The following TMEM208 variants were observed in gnomAD, a reference collection of about 807,000 sequenced individuals.
The protein encoded by TMEM208 is SRP-independent targeting 2 homolog.
Under a neutral mutation model 26.4 loss-of-function variants are expected in TMEM208, and 19 were observed. That is an observed-to-expected ratio of 0.72 (90% CI 0.50 to 1.06). The LOEUF (loss-of-function observed/expected upper bound fraction) is 1.06. Among genes scored for constraint, TMEM208 ranks in the 50% least tolerant of loss-of-function variants. TMEM208 has a pLI of 0.00. For missense variants in TMEM208, 183 were observed against 219.8 expected (o/e 0.83, Z 1.06); for synonymous variants, 93 against 83.1 (o/e 1.12, Z -0.65).
chr16:67,227,334 G>C, intron 1 of TMEM208, 110 bp downstream of exon 1: 1 of 1,446,420 alleles, frequency 6.9e-7, no homozygotes, highest in Middle Eastern at 1.8e-4. Flanking sequence ...AGAGCGGGGC[G>C]CCATCCCTGG....
At position 67,227,877 on chromosome 16, in the gene TMEM208, T is replaced by G. The variant is rs1375457131; in HGVS notation, c.48T>G (p.Phe16Leu). Residue 16 changes from phenylalanine to leucine, a missense_variant, in exon 2 of 6, where the codon TTT (phenylalanine) becomes TTG (leucine). Coordinates refer to ENST00000304800, the MANE Select transcript of TMEM208 (RefSeq NM_014187.4). ...GCACGAGAGGGAAGAAGCAGATATT[T>G]GAAGAGAACAGAGAGACTCTGAAGT... ...KVGTRGKKQI[F>L]EENRETLKFY... 1.9e-6 allele frequency: 3 copies of G among 1,612,034 alleles called. No homozygotes were observed. Among genetic ancestry groups the G allele is most frequent in the Non-Finnish European group, 2.5e-6 (3 of 1,179,060 alleles).
At chr16:67,227,523 G>A in intron 1 of TMEM208, 1 of 559,036 alleles carries the variant, frequency 1.8e-6, no homozygotes, top group Non-Finnish European at 3.2e-6. Flanking sequence ...ATTCAACTCC[G>A]CTCAGGAGTA....
intron 4 of TMEM208, 35 bp downstream of exon 4, chr16:67,228,666 C>A: frequency 1.3e-6 from 2 of 1,543,036 alleles, no homozygotes; most frequent in Non-Finnish European, 1.7e-6. Flanking sequence ...AGGTGAGCGG[C>A]CCCAGGGCTG....
intron 1 of TMEM208, 142 bp from the exon 2 acceptor site, chr16:67,227,694 G>A (rs2034074159): frequency 9.2e-6 from 6 of 649,636 alleles, no homozygotes; most frequent in South Asian, 1.9e-5. Flanking sequence ...TGGAGGATGG[G>A]TGGACATCCC....
Position 67,228,355 on chromosome 16 carries a change from G to A in TMEM208, c.103G>A (p.Ala35Thr), listed in dbSNP as rs754362402. ...FYLRIILGAN[A>T]IYCLVTLVFF... ...AACCTGATCCTGTGATTGCTTGCAG[G>A]CCATTTACTGCCTTGTGACGTTGGT... is the stretch of plus-strand genomic sequence containing the variant. The change falls in exon 3 of 6, where the codon GCC (alanine) becomes ACC (threonine). Residue 35 changes from alanine (A) to threonine (T), a missense_variant and splice_region_variant. Physicochemically the swap from Ala to Thr is moderately conservative, Grantham distance 58. Transcript: ENST00000304800. 12 of 1,613,958 alleles carry A rather than the reference G, an allele frequency of 7.4e-6. No homozygotes were observed. The Admixed American group carries it at 1.7e-4, about 22-fold the overall frequency.
rs201514896 is a variant in TMEM208, at chr16:67,228,416, T to G, written c.162+2T>G. ...TCATCTGCCTCATTTTGGGCCTGGG[T>G]AAGTATCTCCATCCTGGGAGGTGGA... On this transcript the variant is annotated splice_donor_variant, in intron 3 of 5. Transcript: ENST00000304800. LOFTEE classifies it high-confidence loss of function. The G allele has an allele frequency of 3.4e-5, 55 of 1,613,846 alleles. No individual in the cohort carries two copies. The highest frequency in any genetic ancestry group is 3.6e-5 in the Non-Finnish European group (42 of 1,179,866).
In TMEM208 at chr16:67,228,476, C is replaced by T. The variant is rs114100086; in HGVS notation, c.163-19C>T. ...AGGGTCAGTGGCTGGCCTTTGATAC[C>T]CTCATTCTTGCTCTGCAGTTGGCCC... On this transcript the variant is annotated intron_variant, in intron 3 of 5. Transcript: ENST00000304800. 2.7e-4 allele frequency: 431 copies of T among 1,613,868 alleles called. 3 individuals carry two copies. The African/African-American group carries it at 5.2e-3, about 20-fold the overall frequency.
At chr16:67,228,913 G>T in intron 5 of TMEM208, 32 bp downstream of exon 5, 2 of 1,612,942 alleles carry the variant, frequency 1.2e-6, no homozygotes, top group Non-Finnish European at 1.7e-6. Flanking sequence ...CCAAGAAGGG[G>T]CATCTAACCC....
chr16:67,227,164 A>G lies in TMEM208; in HGVS notation c.-55A>G. Reference sequence around the variant, plus strand: ...TGAGCTGCCGATGTGGTGCTTAGTGATTGCGGTTTCGGTCGCTCTCCCGTG... The same window carrying G: ...TGAGCTGCCGATGTGGTGCTTAGTGGTTGCGGTTTCGGTCGCTCTCCCGTG... On this transcript the variant is annotated 5_prime_UTR_variant, in exon 1 of 6. Coordinates refer to ENST00000304800, the MANE Select transcript of TMEM208 (RefSeq NM_014187.4). The G allele has an allele frequency of 2.5e-6, 4 of 1,606,910 alleles. No individual in the cohort carries two copies. The South Asian group carries it at 3.3e-5, about 13-fold the overall frequency.
Position 67,229,131 on chromosome 16 carries a change from A to C in TMEM208, c.*18A>C. The C allele has an allele frequency of 6.3e-7, 1 of 1,576,120 alleles. No individual in the cohort carries two copies. The highest frequency in any genetic ancestry group is 8.6e-7 in the Non-Finnish European group (1 of 1,160,962). On this transcript the variant is annotated 3_prime_UTR_variant, in exon 6 of 6. Transcript: ENST00000304800. The stretch of plus-strand genomic sequence containing the variant: ...GGTTATAGCCATTGACATTGTGGCC[A>C]CAGGCCACTGGCCCTGGGTGGCTCT...
In TMEM208 at chr16:67,227,142, G is replaced by A. The variant is rs533615162; in HGVS notation, c.-77G>A. On this transcript the variant is annotated 5_prime_UTR_variant, in exon 1 of 6. Coordinates refer to ENST00000304800, the MANE Select transcript of TMEM208 (RefSeq NM_014187.4). The stretch of plus-strand genomic sequence containing the variant: ...TTCGGTCTGCGCCGGAAGTGCATGA[G>A]CTGCCGATGTGGTGCTTAGTGATTG... The A allele has an allele frequency of 7.7e-5, 123 of 1,596,752 alleles. No individual in the cohort carries two copies. The Admixed American group carries it at 1.0e-3, about 13-fold the overall frequency.
At position 67,227,584 on chromosome 16, in the gene TMEM208, C is replaced by T. The variant is rs1409823611; in HGVS notation, c.7-252C>T. The T allele has an allele frequency of 5.4e-6, 3 of 551,782 alleles. No individual in the cohort carries two copies. The East Asian group carries it at 9.0e-5, about 17-fold the overall frequency. The allele number at this position is 551,782 out of a possible 1,614,324, so 34.2% of individuals were successfully genotyped here. A position where few individuals can be genotyped will look rare whatever the true frequency, so the allele number is the denominator to read the frequency against. The stretch of plus-strand genomic sequence containing the variant: ...GCCAGACTACCACGGGATCCAGAGG[C>T]GGTATTAGCTTAGGATTGAATTGTT... On this transcript the variant is annotated intron_variant, in intron 1 of 5. Coordinates refer to ENST00000304800, the MANE Select transcript of TMEM208 (RefSeq NM_014187.4).
rs371606824 is a variant in TMEM208, at chr16:67,227,147, C to G, written c.-72C>G. 6.3e-7 allele frequency: 1 copy of G among 1,598,898 alleles called. No individual in the cohort carries two copies. The highest frequency in any genetic ancestry group is 1.3e-5 in the African/African-American group (1 of 74,696). ...TCTGCGCCGGAAGTGCATGAGCTGC[C>G]GATGTGGTGCTTAGTGATTGCGGTT... On this transcript the variant is annotated 5_prime_UTR_variant, in exon 1 of 6. Transcript: ENST00000304800.
At position 67,229,084 on chromosome 16, in the gene TMEM208, C is replaced by A. The variant is rs1438243213; in HGVS notation, c.493C>A (p.Gln165Lys). ...GCACAATGAGAAACGGCAGCGCCGA[C>A]AGGAGCGGCGGCAGATGAAGCGGTT... is the stretch of plus-strand genomic sequence containing the variant. ...PEHNEKRQRR[Q>K]ERRQMKRL Residue 165 changes from glutamine (Q) to lysine (K), a missense_variant, in exon 6 of 6, where the codon CAG becomes AAG. Coordinates refer to ENST00000304800, the MANE Select transcript of TMEM208 (RefSeq NM_014187.4). 1.9e-6 allele frequency: 3 copies of A among 1,612,254 alleles called. No homozygotes were observed. Among genetic ancestry groups the A allele is most frequent in the Admixed American group, 3.3e-5 (2 of 59,732 alleles).
rs1487121478 is a variant in TMEM208, at chr16:67,229,230, G to C, written c.*117G>C. 1 of 1,054,090 alleles carries C rather than the reference G, an allele frequency of 9.5e-7. No homozygotes were observed. Among genetic ancestry groups the C allele is most frequent in the African/African-American group, 1.6e-5 (1 of 62,340 alleles). The allele number at this position is 1,054,090 out of a possible 1,614,324, so 65.3% of individuals were successfully genotyped here. A position where few individuals can be genotyped will look rare whatever the true frequency, so the allele number is the denominator to read the frequency against. ...GGGGCCAAAAGCAGTCTGAGGTATT[G>C]GGTATACTTATACTCTATAGGGTCG... On this transcript the variant is annotated 3_prime_UTR_variant, in exon 6 of 6. Coordinates refer to ENST00000304800, the MANE Select transcript of TMEM208 (RefSeq NM_014187.4).
Position 67,227,939 on chromosome 16 carries a change from C to T in TMEM208, c.102+8C>T. 5 of 1,600,112 alleles carry T rather than the reference C, an allele frequency of 3.1e-6. No individual in the cohort carries two copies. The highest frequency in any genetic ancestry group is 4.3e-6 in the Non-Finnish European group (5 of 1,172,256). On this transcript the variant is annotated splice_region_variant and intron_variant, in intron 2 of 5. Coordinates refer to ENST00000304800, the MANE Select transcript of TMEM208 (RefSeq NM_014187.4). ...ATCATACTGGGGGCCAATGTAAGTG[C>T]CTACCTCCTTGCTTCTATGCCCACT... is the stretch of plus-strand genomic sequence containing the variant.
intron 1 of TMEM208, chr16:67,227,526 C>T (rs1387040619): frequency 5.4e-6 from 3 of 559,660 alleles, no homozygotes; most frequent in African/African-American, 1.9e-5. Context: ...CAACTCCGCT[C>T]AGGAGTACCC....
chr16:67,227,759 C>G (rs776694583), intron 1 of TMEM208, 77 bp from the exon 2 acceptor site: 52 of 1,214,724 alleles, frequency 4.3e-5, no homozygotes, highest in Middle Eastern at 1.9e-4. Flanking sequence ...GCGGATGGAG[C>G]TCTATAGCTC....
intron 1 of TMEM208, chr16:67,227,465 GGTTAA>G (rs1237839230): frequency 1.7e-6 from 1 of 587,616 alleles, no homozygotes; most frequent in Non-Finnish European, 3.0e-6. Context: ...CTGAGGTGGG[GGTTAA>G]CCCAGATCGG....
Sources: allele counts gnomAD v4.1 joint callset, GRCh38; gene constraint gnomAD v4.1.1; transcripts MANE v1.5; gene names NCBI Gene and HGNC (gene_info 2026-07-23, HGNC 2026-07-21).